SYNE2: variants seen among roughly 807,000 people sequenced by gnomAD.
SYNE2 encodes nesprin-2.
In SYNE2, 431 loss-of-function variants were observed where a neutral mutation model predicts 856.3. That is an observed-to-expected ratio of 0.50 (90% confidence interval 0.47 to 0.55). SYNE2 has a LOEUF of 0.55. Ranked by LOEUF, SYNE2 falls within the 20% of genes least tolerant of loss-of-function variation. SYNE2 has a pLI of 0.00. For missense variants in SYNE2, 8,129 were observed against 8,023.2 expected (o/e 1.01, Z -0.50); for synonymous variants, 2,923 against 2,872.3 (o/e 1.02, Z -0.56).
chr14:63,940,620 A>G lies in SYNE2; in HGVS notation c.86A>G (p.Gln29Arg), dbSNP rs767819611. ...GTTGTTCTTTCTTTGATAGCTGAAC[A>G]GGAAGACACCCAGAAGAAAGCCTTC... is the stretch of plus-strand genomic sequence containing the variant. ...DDLHISLQAE[Q>R]EDTQKKAFTC... The change falls in exon 3 of 116, where the codon CAG becomes CGG. Residue 29 changes from glutamine to arginine, a missense_variant. By Grantham distance (43) the Gln-to-Arg change is conservative (BLOSUM62 1). Transcript: ENST00000555002. The G allele has an allele frequency of 1.2e-6, 2 of 1,614,162 alleles. No homozygotes were observed. The highest frequency in any genetic ancestry group is 2.2e-5 in the South Asian group (2 of 91,088).
In SYNE2 at chr14:63,986,440, C is replaced by G. The variant is rs927625268; in HGVS notation, c.2152-16C>G. The stretch of plus-strand genomic sequence containing the variant: ...ACATGCTGACATTTTCTCAGTGGTA[C>G]TTTTGAATGTTGTAGGCTGGAGAGA... On this transcript the variant is annotated splice_polypyrimidine_tract_variant and intron_variant, in intron 18 of 115. Transcript: ENST00000555002. The G allele has an allele frequency of 1.2e-6, 2 of 1,613,468 alleles. No homozygotes were observed. The highest frequency in any genetic ancestry group is 1.3e-5 in the African/African-American group (1 of 74,856).
chr14:63,969,542 T>C (rs2096447651), intron 11 of SYNE2, among the ~76,000 whole-genome samples: 1 of 151,876 alleles, frequency 6.6e-6, no homozygotes, highest in Non-Finnish European at 1.5e-5. Flanking sequence ...GGAGTTTCAC[T>C]GTTTTAGCCA....
At chr14:63,804,556 C>T (rs142126947) in intron 1 of SYNE2, among the ~76,000 whole-genome samples, 1,588 of 152,046 alleles carry the variant, frequency 0.01, 30 homozygotes, top group African/African-American at 0.036. Context: ...TGCAATGGCG[C>T]GATCTTGGCT....
intron 1 of SYNE2, chr14:63,808,875 T>A (rs977841460): frequency 2.0e-5 from 3 of 151,944 alleles, no homozygotes; most frequent in Non-Finnish European, 4.4e-5. Flanking sequence ...ATACAAAAAT[T>A]AGCCAGGCAT....
Position 64,078,528 on chromosome 14 carries a change from T to G in SYNE2, c.11085T>G (p.Ile3695Met), listed in dbSNP as rs1347954180. 16 of 1,614,114 alleles carry G rather than the reference T, an allele frequency of 9.9e-6. No homozygotes were observed. The highest frequency in any genetic ancestry group is 1.4e-5 in the Non-Finnish European group (16 of 1,179,980). The part of the protein sequence containing the change: ...SYAMRRKIEE[I>M]NNGLHNVEKM... The stretch of plus-strand genomic sequence containing the variant: ...CAATGAGGAGAAAAATAGAAGAAAT[T>G]AACAATGGGCTTCATAATGTTGAAA... Residue 3695 changes from isoleucine (I) to methionine (M), a missense_variant, in exon 55 of 116, where the codon ATT (isoleucine) becomes ATG (methionine). Transcript: ENST00000555002.
At chr14:64,134,021 C>G (rs748623115) in intron 77 of SYNE2, 48 bp from the exon 78 acceptor site, 2 of 1,609,328 alleles carry the variant, frequency 1.2e-6, no homozygotes, top group Non-Finnish European at 1.7e-6. Flanking sequence ...TTATCTGGAA[C>G]CAATCTGGTA....
chr14:64,225,091 C>T (rs941258651), intron 115 of SYNE2, 46 bp downstream of exon 115: 1 of 1,602,834 alleles, frequency 6.2e-7, no homozygotes, highest in South Asian at 1.1e-5. Context: ...CTGCTCCACA[C>T]TCCCACTGAC....
intron 64 of SYNE2, among the ~76,000 whole-genome samples, chr14:64,106,479 C>G (rs887813794): frequency 2.6e-5 from 4 of 152,156 alleles, no homozygotes; most frequent in African/African-American, 9.7e-5. Flanking sequence ...GAAACCCCAT[C>G]TCTACTAAAA....
intron 79 of SYNE2, among the ~76,000 whole-genome samples, chr14:64,138,911 G>GC (rs2098117104): frequency 8.8e-6 from 1 of 113,380 alleles, no homozygotes; most frequent in Non-Finnish European, 1.7e-5. Flanking sequence ...ACAAATGCTG[G>GC]TTGTGTGTGT....
chr14:64,108,976 G>C (rs760442927), intron 65 of SYNE2, among the ~76,000 whole-genome samples: 17 of 151,924 alleles, frequency 1.1e-4, no homozygotes, highest in Non-Finnish European at 2.5e-4. Context: ...CCTGGGCTCA[G>C]GTGATCCTCC....
intron 57 of SYNE2, chr14:64,085,110 T>C: frequency 3.0e-6 from 2 of 672,652 alleles, no homozygotes; most frequent in Admixed American, 2.2e-5. Context: ...TCTTGCTCTG[T>C]CACCCAGGCT....
intron 1 of SYNE2, among the ~76,000 whole-genome samples, chr14:63,837,247 A>G (rs991202845): frequency 4.6e-5 from 7 of 152,212 alleles, no homozygotes; most frequent in Admixed American, 2.0e-4. Flanking sequence ...TTCAGATGCA[A>G]AAGACTGAAG....
At position 64,003,038 on chromosome 14, in the gene SYNE2, CTGATGAAAGA is replaced by C; in HGVS notation, c.4106_4115del (p.Leu1369ProfsTer10). ...AAAAAATAAAGAGGGAGAAATTCAT[CTGATGAAAGA>C]CAAGGCCAAACATTTGGATAAATGT... On this transcript the variant is annotated frameshift_variant, in exon 30 of 116. Transcript: ENST00000555002. LOFTEE classifies it high-confidence loss of function. The C allele has an allele frequency of 6.2e-7, 1 of 1,614,130 alleles. No individual in the cohort carries two copies. The highest frequency in any genetic ancestry group is 8.5e-7 in the Non-Finnish European group (1 of 1,180,008).
chr14:63,929,497 G>A (rs186322911), intron 2 of SYNE2, among the ~76,000 whole-genome samples: 41 of 152,292 alleles, frequency 2.7e-4, no homozygotes, highest in Non-Finnish European at 4.9e-4. Context: ...GAGGCCAGCC[G>A]CTGTGGCTCA....
chr14:64,207,059 C>T (rs1010572515), intron 100 of SYNE2, among the ~76,000 whole-genome samples: 3 of 152,172 alleles, frequency 2.0e-5, no homozygotes, highest in African/African-American at 2.4e-5. Flanking sequence ...ACCCACACTG[C>T]AGAGCTTTAA....
chr14:64,062,554 G>C (rs1421292455), intron 49 of SYNE2, among the ~76,000 whole-genome samples, 197 bp from the exon 50 acceptor site: 3 of 151,874 alleles, frequency 2.0e-5, no homozygotes, highest in Non-Finnish European at 4.4e-5. Flanking sequence ...TTTCAAGTTT[G>C]CATTTAAACC....
At chr14:63,775,541 G>A (rs571547024) in intron 1 of SYNE2, among the ~76,000 whole-genome samples, 1 of 152,238 alleles carries the variant, frequency 6.6e-6, no homozygotes, top group South Asian at 2.1e-4. Flanking sequence ...CTCCCAAAGT[G>A]TTGGGATTAC....
chr14:64,218,654 T>C (rs1210493415), intron 109 of SYNE2, 142 bp downstream of exon 109: 2 of 791,678 alleles, frequency 2.5e-6, no homozygotes, highest in African/African-American at 3.4e-5. Context: ...AATGTTATTT[T>C]TAAATCAGCG....
At chr14:63,800,822 G>A (rs1200640175) in intron 1 of SYNE2, among the ~76,000 whole-genome samples, 1 of 152,134 alleles carries the variant, frequency 6.6e-6, no homozygotes. Flanking sequence ...GTGGAATCTG[G>A]GAGGAGGGAG....
Sources: allele counts gnomAD v4.1 joint callset (sites outside exome capture counted in the v4.1 genomes callset), GRCh38; gene constraint gnomAD v4.1.1; transcripts MANE v1.5; gene names NCBI Gene and HGNC (gene_info 2026-07-23, HGNC 2026-07-21).